The following CDH13 variants were observed in gnomAD, a reference collection of about 807,000 sequenced individuals.
CDH13 encodes cadherin-13.
In CDH13, 24 loss-of-function variants were observed where a neutral mutation model predicts 63.8. The observed-to-expected ratio is 0.38, with a 90% confidence interval of 0.27 to 0.53. CDH13 has a LOEUF of 0.53. Ranked by LOEUF, CDH13 falls within the 20% of genes least tolerant of loss-of-function variation. The probability of loss-of-function intolerance (pLI) is 0.85; values close to 1 mark genes in which losing one functional copy is unlikely to be tolerated. For synonymous variants in CDH13, 503 were observed against 355.3 expected (o/e 1.42, Z -4.67); for missense variants, 1,049 against 903.1 (o/e 1.16, Z -2.07).
At chr16:83,258,727 T>C (rs1906602212) in intron 5 of CDH13, among the ~76,000 whole-genome samples, 1 of 152,202 alleles carries the variant, frequency 6.6e-6, no homozygotes, top group Non-Finnish European at 1.5e-5. Context: ...CAGGGGTGTT[T>C]GTATGTGCGC....
chr16:82,917,628 T>C (rs547741713), intron 2 of CDH13, among the ~76,000 whole-genome samples: 68 of 152,230 alleles, frequency 4.5e-4, no homozygotes, highest in Middle Eastern at 6.8e-3. Context: ...AGAGAACATA[T>C]AGGCCAGGTA....
At chr16:83,779,734 T>C (rs755485202) in intron 11 of CDH13, among the ~76,000 whole-genome samples, 42 of 152,186 alleles carry the variant, frequency 2.8e-4, no homozygotes, top group Non-Finnish European at 4.3e-4. Flanking sequence ...GGCGTGCACC[T>C]GTGGTCCCAG....
At chr16:82,834,691 C>T (rs770929025) in intron 1 of CDH13, among the ~76,000 whole-genome samples, 12 of 152,172 alleles carry the variant, frequency 7.9e-5, no homozygotes, top group Non-Finnish European at 1.8e-4. Context: ...TGTCTGCTCA[C>T]GCACTTGGCT....
At chr16:83,527,743 C>G (rs1403790250) in intron 7 of CDH13, among the ~76,000 whole-genome samples, 1 of 152,164 alleles carries the variant, frequency 6.6e-6, no homozygotes, top group African/African-American at 2.4e-5. Context: ...AAATAAGCAA[C>G]CCTATAAATG....
Position 83,758,470 on chromosome 16 carries a change from T to C in CDH13, c.1681+10220T>C, listed in dbSNP as rs11860842. Reference sequence around the variant, plus strand: ...TTTTAGTCTAGTTTTAAAAAAAAAATAACAGAAGGAGCTGCTGCTACAGCA... The same window carrying C: ...TTTTAGTCTAGTTTTAAAAAAAAAACAACAGAAGGAGCTGCTGCTACAGCA... On this transcript the variant is annotated intron_variant, in intron 11 of 13. Transcript: ENST00000567109. Among the ~76,000 whole-genome samples the C allele has an allele frequency of 4.2e-3, 633 of 151,566 alleles. 4 individuals carry two copies. Among genetic ancestry groups the C allele is most frequent in the African/African-American group, 0.014 (599 of 41,420 alleles).
In CDH13 at chr16:83,031,255, A is replaced by G. The variant is rs549686375; in HGVS notation, c.158-755A>G. 7.5e-4 allele frequency among the ~76,000 whole-genome samples: 109 copies of G among 145,744 alleles called. 1 individual carries two copies. The highest frequency in any genetic ancestry group is 2.6e-3 in the African/African-American group (104 of 39,606). The stretch of plus-strand genomic sequence containing the variant: ...ATACACCATATACATGCGCATGTAT[A>G]CACCATATACATGCGCATGTATACA... On this transcript the variant is annotated intron_variant, in intron 2 of 13. Coordinates refer to ENST00000567109, the MANE Select transcript of CDH13 (RefSeq NM_001257.5).
chr16:83,199,198 G>C (rs537376435), intron 4 of CDH13, among the ~76,000 whole-genome samples: 1 of 152,250 alleles, frequency 6.6e-6, no homozygotes, highest in South Asian at 2.1e-4. Flanking sequence ...CCTTGTGACA[G>C]TTAGCACCCA....
chr16:82,796,536 T>C (rs554748109), intron 1 of CDH13, among the ~76,000 whole-genome samples: 1 of 152,326 alleles, frequency 6.6e-6, no homozygotes, highest in South Asian at 2.1e-4. Flanking sequence ...GCACAGTTTT[T>C]CTGTTGAGTC....
chr16:83,459,945 A>AG (rs769906587), intron 6 of CDH13, among the ~76,000 whole-genome samples: 2 of 152,222 alleles, frequency 1.3e-5, no homozygotes, highest in Admixed American at 6.5e-5. Flanking sequence ...ATGAGATGTG[A>AG]GGGCTTAAAA....
At chr16:83,666,439 G>A (rs926215813) in intron 8 of CDH13, among the ~76,000 whole-genome samples, 2 of 152,182 alleles carry the variant, frequency 1.3e-5, no homozygotes, top group African/African-American at 4.8e-5. Flanking sequence ...CATATTTAAA[G>A]ATTTTTTTTT....
intron 4 of CDH13, among the ~76,000 whole-genome samples, chr16:83,160,255 T>C (rs950938655): frequency 1.3e-5 from 2 of 152,070 alleles, no homozygotes; most frequent in East Asian, 3.9e-4. Flanking sequence ...GTGGGGGTCA[T>C]TGGTAATGAG....
intron 5 of CDH13, among the ~76,000 whole-genome samples, chr16:83,335,182 T>G (rs930568775): frequency 6.6e-6 from 1 of 152,180 alleles, no homozygotes; most frequent in Admixed American, 6.5e-5. Context: ...CTGCAGAATT[T>G]TGTTTTAAGC....
intron 3 of CDH13, among the ~76,000 whole-genome samples, chr16:83,073,812 C>T (rs776921485): frequency 3.9e-5 from 6 of 151,908 alleles, no homozygotes; most frequent in Non-Finnish European, 7.4e-5. Context: ...ATATACAGTA[C>T]AGCATAGCAA....
chr16:83,429,447 C>T (rs2072021483), intron 6 of CDH13, among the ~76,000 whole-genome samples: 1 of 152,072 alleles, frequency 6.6e-6, no homozygotes, highest in African/African-American at 2.4e-5. Context: ...CTATGCCAGG[C>T]TCAGAGACTT....
intron 1 of CDH13, among the ~76,000 whole-genome samples, chr16:82,729,662 T>C (rs2033291204): frequency 6.6e-6 from 1 of 152,168 alleles, no homozygotes; most frequent in African/African-American, 2.4e-5. Flanking sequence ...AGCATTGGCT[T>C]CAACTAAAAG....
chr16:83,793,274 G>A (rs920064840), intron 13 of CDH13, among the ~76,000 whole-genome samples: 17 of 152,140 alleles, frequency 1.1e-4, no homozygotes, highest in African/African-American at 3.1e-4. Context: ...CGAGGAGTAA[G>A]GTGGCAACAA....
chr16:83,550,174 G>T (rs564652845), intron 7 of CDH13, among the ~76,000 whole-genome samples: 1 of 152,310 alleles, frequency 6.6e-6, no homozygotes, highest in South Asian at 2.1e-4. Flanking sequence ...TGTGTGCATT[G>T]GTGCTCAAAC....
chr16:83,290,889 C>T (rs76156032), intron 5 of CDH13, among the ~76,000 whole-genome samples: 1 of 152,024 alleles, frequency 6.6e-6, no homozygotes, highest in Non-Finnish European at 1.5e-5. Context: ...ATGTTTTTTT[C>T]CCATCTCTAC....
At chr16:83,671,606 A>G (rs993184136) in intron 9 of CDH13, among the ~76,000 whole-genome samples, 1 of 152,242 alleles carries the variant, frequency 6.6e-6, no homozygotes, top group African/African-American at 2.4e-5. Context: ...ATTAACAGAT[A>G]TGCCAAAATG....
Sources: allele counts gnomAD v4.1 joint callset (sites outside exome capture counted in the v4.1 genomes callset), GRCh38; gene constraint gnomAD v4.1.1; transcripts MANE v1.5; gene names NCBI Gene and HGNC (gene_info 2026-07-23, HGNC 2026-07-21).